DCBLD2: variants seen among roughly 807,000 people sequenced by gnomAD.
The protein encoded by DCBLD2 is discoidin, CUB and LCCL domain containing 2.
Under a neutral mutation model 86.8 loss-of-function variants are expected in DCBLD2, and 54 were observed. The observed-to-expected ratio is 0.62, with a 90% CI of 0.50 to 0.78. The LOEUF (loss-of-function observed/expected upper bound fraction) is 0.78, where lower values mean the gene tolerates loss of function less well. Among genes scored for constraint, DCBLD2 ranks in the 30% least tolerant of loss-of-function variants. The pLI is 0.00. For synonymous variants in DCBLD2, 354 were observed against 341.3 expected (o/e 1.04, Z -0.41); for missense variants, 908 against 954.2 (o/e 0.95, Z 0.64).
intron 2 of DCBLD2, among the ~76,000 whole-genome samples, chr3:98,864,012 A>G (rs990896871): frequency 6.6e-6 from 1 of 152,188 alleles, no homozygotes; most frequent in African/African-American, 2.4e-5. Context: ...AATTTACAAG[A>G]AAAAAACAAC....
intron 3 of DCBLD2, among the ~76,000 whole-genome samples, chr3:98,827,725 A>G (rs1267825912): frequency 6.6e-6 from 1 of 152,250 alleles, no homozygotes; most frequent in Non-Finnish European, 1.5e-5. Context: ...GCAGGCAATT[A>G]AGAAGCTTTA....
At chr3:98,822,164 C>T in intron 6 of DCBLD2, 64 bp downstream of exon 6, 1 of 1,584,654 alleles carries the variant, frequency 6.3e-7, no homozygotes, top group Non-Finnish European at 8.7e-7. Flanking sequence ...TAGTTCTTAG[C>T]CCAGTGCTAC....
intron 2 of DCBLD2, among the ~76,000 whole-genome samples, chr3:98,870,761 GAAAGAAAGAA>G (rs1943258448): frequency 8.0e-6 from 1 of 125,656 alleles, no homozygotes; most frequent in African/African-American, 3.0e-5. Flanking sequence ...AAGAAAGAAA[GAAAGAAAGAA>G]AGAAAGAAAG....
At chr3:98,834,399 T>A (rs1942388442) in intron 3 of DCBLD2, among the ~76,000 whole-genome samples, 1 of 149,722 alleles carries the variant, frequency 6.7e-6, no homozygotes, top group African/African-American at 2.4e-5. Context: ...CCAGGTCTTA[T>A]TTCTTCTATC....
chr3:98,817,105 T>C (rs1942036176), intron 9 of DCBLD2, among the ~76,000 whole-genome samples: 1 of 152,154 alleles, frequency 6.6e-6, no homozygotes. Context: ...CTATCTTCCT[T>C]AGGCACAAGG....
At position 98,866,391 on chromosome 3, in the gene DCBLD2, T is replaced by A. The variant is rs1436617102; in HGVS notation, c.433+15149A>T. ...CACCTGTTATTTCCTGACTTTTTAA[T>A]GATCACCATTCTAACTGGTGTGAGA... On this transcript the variant is annotated intron_variant, in intron 2 of 15. Transcript: ENST00000326840. 2.0e-5 allele frequency among the ~76,000 whole-genome samples: 3 copies of A among 152,226 alleles called. No individual in the cohort carries two copies. The East Asian group carries it at 5.8e-4, about 29-fold the overall frequency.
intron 3 of DCBLD2, among the ~76,000 whole-genome samples, chr3:98,827,650 TAAAG>T (rs761052589): frequency 2.0e-5 from 3 of 152,188 alleles, no homozygotes; most frequent in South Asian, 2.1e-4. Context: ...AGACTGAAGA[TAAAG>T]AAAGCCTTAA....
At chr3:98,884,347 G>C (rs1350480453) in intron 1 of DCBLD2, among the ~76,000 whole-genome samples, 1 of 151,652 alleles carries the variant, frequency 6.6e-6, no homozygotes, top group Admixed American at 6.6e-5. Flanking sequence ...GTGGATTTCT[G>C]TGCAATATAT....
intron 13 of DCBLD2, among the ~76,000 whole-genome samples, chr3:98,804,513 A>AT (rs1941793552): frequency 6.6e-6 from 1 of 152,018 alleles, no homozygotes. Context: ...GGATTCACTG[A>AT]TTTTTTGAAG....
intron 4 of DCBLD2, among the ~76,000 whole-genome samples, chr3:98,823,565 C>G (rs1942160519): frequency 1.3e-5 from 2 of 152,180 alleles, no homozygotes; most frequent in African/African-American, 4.8e-5. Flanking sequence ...TGCCCCTGTC[C>G]TCACTGAGTT....
At chr3:98,862,271 G>A (rs2107499573) in intron 2 of DCBLD2, among the ~76,000 whole-genome samples, 1 of 152,246 alleles carries the variant, frequency 6.6e-6, no homozygotes, top group Middle Eastern at 3.4e-3. Flanking sequence ...CAGATTCACA[G>A]CCAAATTCTA....
chr3:98,799,571 G>T lies in DCBLD2; in HGVS notation c.2129C>A (p.Pro710Gln), dbSNP rs780606821. 3.1e-6 allele frequency: 5 copies of T among 1,613,854 alleles called. No homozygotes were observed. The highest frequency in any genetic ancestry group is 1.7e-5 in the Admixed American group (1 of 59,996). Reference protein sequence around the residue: ...TFKATGNQPPPLVGTYNTLLS... With the variant: ...TFKATGNQPPQLVGTYNTLLS... ...AAGTGTATTGTAAGTTCCCACTAGT[G>T]GGGGAGGTTGGTTCCCCGTAGCCTT... The change falls in exon 16 of 16, where the codon CCA becomes CAA. Residue 710 changes from proline to glutamine, a missense_variant. Coordinates refer to ENST00000326840, the MANE Select transcript of DCBLD2 (RefSeq NM_080927.4).
chr3:98,897,316 T>C (rs1943766883), intron 1 of DCBLD2, among the ~76,000 whole-genome samples: 1 of 152,194 alleles, frequency 6.6e-6, no homozygotes. Context: ...ATCTGATCAT[T>C]CACACGTGTG....
chr3:98,856,381 A>G (rs964368912), intron 2 of DCBLD2, among the ~76,000 whole-genome samples: 7 of 152,142 alleles, frequency 4.6e-5, no homozygotes, highest in Non-Finnish European at 1.0e-4. Context: ...CAGAAGAAAA[A>G]AAAGAAAAAA....
At chr3:98,870,665 A>C (rs111811279) in intron 2 of DCBLD2, among the ~76,000 whole-genome samples, 58,561 of 138,650 alleles carry the variant, frequency 0.42, 13,522 homozygotes, top group Non-Finnish European at 0.45. Flanking sequence ...AAAGAGAGAG[A>C]GAGAGAGAGA....
At position 98,819,279 on chromosome 3, in the gene DCBLD2, C is replaced by T; in HGVS notation, c.1010G>A (p.Gly337Glu). The part of the protein sequence containing the change: ...KPKKARLKKP[G>E]PPWAAFATDE... ...AGTGGCAAAAGCAGCCCAAGGCGGT[C>T]CAGGTTTTTTCAGCCTGGCTTTTTT... Residue 337 changes from glycine to glutamate, a missense_variant, in exon 8 of 16, where the codon GGA (glycine) becomes GAA (glutamate). Transcript: ENST00000326840. 1 of 1,613,324 alleles carries T rather than the reference C, an allele frequency of 6.2e-7. No homozygotes were observed. Among genetic ancestry groups the T allele is most frequent in the Non-Finnish European group, 8.5e-7 (1 of 1,179,636 alleles).
At chr3:98,838,932 A>T (rs1942546223) in intron 3 of DCBLD2, among the ~76,000 whole-genome samples, 1 of 151,302 alleles carries the variant, frequency 6.6e-6, no homozygotes, top group African/African-American at 2.4e-5. Flanking sequence ...GGCATTCGGC[A>T]GACTGAGGCA....
At chr3:98,844,305 T>C (rs1470001474) in intron 3 of DCBLD2, among the ~76,000 whole-genome samples, 1 of 151,354 alleles carries the variant, frequency 6.6e-6, no homozygotes, top group Admixed American at 6.6e-5. Flanking sequence ...ACAACCACTG[T>C]TTTTAAATCT....
intron 1 of DCBLD2, among the ~76,000 whole-genome samples, chr3:98,897,798 A>G (rs1347534098): frequency 6.6e-6 from 1 of 152,102 alleles, no homozygotes; most frequent in Admixed American, 6.5e-5. Flanking sequence ...ATTCCCTGAT[A>G]TTTTACCATG....
Sources: gnomAD v4.1 joint callset for allele counts (sites outside exome capture counted in the v4.1 genomes callset) on GRCh38, gnomAD v4.1.1 for gene constraint, MANE v1.5 for transcripts, NCBI Gene and HGNC (gene_info 2026-07-23, HGNC 2026-07-21) for gene names.